Variants in SUGCT observed in about 807,000 individuals in gnomAD.
SUGCT encodes succinyl-CoA:glutarate-CoA transferase.
SUGCT carries 41 observed loss-of-function variants against 55.0 expected under a neutral mutation model. The observed-to-expected ratio is 0.74, with a 90% CI of 0.58 to 0.97. The LOEUF is 0.97. Ranked by LOEUF, SUGCT falls within the 50% of genes least tolerant of loss-of-function variation. The pLI, the probability that SUGCT is intolerant of heterozygous loss-of-function variation, is 0.00. For missense variants in SUGCT, 568 were observed against 547.8 expected, an observed-to-expected ratio of 1.04 and a Z score of -0.37; for synonymous variants, 187 against 200.4, an observed-to-expected ratio of 0.93 and a Z score of 0.56.
At chr7:40,723,831 G>C (rs1186318228) in intron 12 of SUGCT, among the ~76,000 whole-genome samples, 1 of 152,120 alleles carries the variant, frequency 6.6e-6, no homozygotes, top group Non-Finnish European at 1.5e-5. Flanking sequence ...TCTGCTTACT[G>C]TCTGCATCTT....
chr7:40,674,150 T>C (rs1451110822), intron 12 of SUGCT, among the ~76,000 whole-genome samples: 1 of 152,226 alleles, frequency 6.6e-6, no homozygotes, highest in Non-Finnish European at 1.5e-5. Flanking sequence ...TTTGTTATTG[T>C]TAAAGTACCA....
At chr7:40,272,561 T>A (rs1792143034) in intron 7 of SUGCT, among the ~76,000 whole-genome samples, 1 of 151,700 alleles carries the variant, frequency 6.6e-6, no homozygotes, top group South Asian at 2.1e-4. Context: ...GCAGTAACCA[T>A]GGGAGTGCAC....
the SUGCT span, among the ~76,000 whole-genome samples, chr7:40,902,592 AAG>A: frequency 6.6e-6 from 1 of 151,296 alleles, no homozygotes; most frequent in Admixed American, 6.6e-5. Context: ...AAAAAAAAAA[AAG>A]AGAAAAAAAA....
intron 13 of SUGCT, among the ~76,000 whole-genome samples, chr7:40,754,436 C>A (rs1238206950): frequency 2.0e-5 from 3 of 152,168 alleles, no homozygotes; most frequent in Non-Finnish European, 2.9e-5. Context: ...AACATTCCCT[C>A]CCCTGCCCCC....
rs538766981 is a variant in SUGCT, at chr7:40,624,827, C to T, written c.1090-124607C>T. Among the ~76,000 whole-genome samples the T allele has an allele frequency of 6.3e-4, 95 of 151,414 alleles. 1 individual carries two copies. Among genetic ancestry groups the T allele is most frequent in the African/African-American group, 2.0e-3 (81 of 41,076 alleles). On this transcript the variant is annotated intron_variant, in intron 12 of 13. Transcript: ENST00000335693. ...CACACACACACGCACACCACAAACA[C>T]GCCAAGCTGAGCAGACCTTCTTTTA...
At chr7:40,636,041 A>G (rs2151816822) in intron 12 of SUGCT, among the ~76,000 whole-genome samples, 1 of 152,344 alleles carries the variant, frequency 6.6e-6, no homozygotes, top group South Asian at 2.1e-4. Context: ...ACTGGCCAGC[A>G]TTCACCACGA....
intron 12 of SUGCT, among the ~76,000 whole-genome samples, chr7:40,736,165 G>A (rs897769830): frequency 3.2e-4 from 47 of 147,106 alleles, no homozygotes; most frequent in African/African-American, 1.2e-3. Context: ...GCTAAAATTT[G>A]CATTAATTTT....
chr7:40,925,250 T>A, the SUGCT span, among the ~76,000 whole-genome samples: 1 of 152,214 alleles, frequency 6.6e-6, no homozygotes, highest in East Asian at 1.9e-4. Flanking sequence ...AAAGCTAAAA[T>A]TCACACTGAA....
At chr7:40,408,601 A>G (rs929140181) in intron 9 of SUGCT, among the ~76,000 whole-genome samples, 8 of 152,214 alleles carry the variant, frequency 5.3e-5, no homozygotes, top group African/African-American at 1.7e-4. Context: ...TCAGATTTAT[A>G]GAATTTTTAA....
At chr7:40,267,067 T>C (rs1223632968) in intron 7 of SUGCT, among the ~76,000 whole-genome samples, 3 of 145,510 alleles carry the variant, frequency 2.1e-5, no homozygotes, top group Non-Finnish European at 4.6e-5. Flanking sequence ...AAAAAGAAAA[T>C]AACACTGGGA....
intron 13 of SUGCT, among the ~76,000 whole-genome samples, chr7:40,815,726 G>A (rs1791637333): frequency 6.6e-6 from 1 of 152,130 alleles, no homozygotes; most frequent in African/African-American, 2.4e-5. Context: ...AGATTTGCCT[G>A]CATGTGAAGC....
At chr7:40,938,634 C>T in the SUGCT span, among the ~76,000 whole-genome samples, 203 of 152,148 alleles carry the variant, frequency 1.3e-3, 1 homozygote, top group East Asian at 0.027. Context: ...ATATCTATTA[C>T]TGTATTAGAT....
intron 8 of SUGCT, among the ~76,000 whole-genome samples, chr7:40,295,186 ATAATT>A (rs1260280868): frequency 1.3e-5 from 2 of 152,236 alleles, no homozygotes; most frequent in African/African-American, 4.8e-5. Context: ...ATACAAATGT[ATAATT>A]TAATAAGTAA....
At chr7:40,688,146 G>T (rs927559346) in intron 12 of SUGCT, among the ~76,000 whole-genome samples, 1 of 152,252 alleles carries the variant, frequency 6.6e-6, no homozygotes, top group South Asian at 2.1e-4. Flanking sequence ...CCTTTGATAA[G>T]CAGAGACCTC....
At chr7:40,380,230 T>C (rs527868768) in intron 9 of SUGCT, among the ~76,000 whole-genome samples, 4 of 152,296 alleles carry the variant, frequency 2.6e-5, no homozygotes, top group Non-Finnish European at 5.9e-5. Context: ...TCAAGGCTAG[T>C]GCATAGCTGG....
the SUGCT span, among the ~76,000 whole-genome samples, chr7:40,993,034 G>A: frequency 3.3e-5 from 5 of 152,076 alleles, no homozygotes; most frequent in Non-Finnish European, 7.4e-5. Flanking sequence ...CTCAACCTTG[G>A]ATATGTGCAT....
At chr7:40,681,772 G>T (rs1016361787) in intron 12 of SUGCT, among the ~76,000 whole-genome samples, 1 of 152,154 alleles carries the variant, frequency 6.6e-6, no homozygotes, top group African/African-American at 2.4e-5. Context: ...TTTCTCATTT[G>T]TGGCTGGTTC....
At chr7:40,846,044 T>C (rs1049887721) in intron 13 of SUGCT, among the ~76,000 whole-genome samples, 1 of 152,192 alleles carries the variant, frequency 6.6e-6, no homozygotes, top group African/African-American at 2.4e-5. Flanking sequence ...GTGATCTGGC[T>C]TCTCTGACTG....
chr7:40,935,821 G>A, the SUGCT span, among the ~76,000 whole-genome samples: 10 of 152,242 alleles, frequency 6.6e-5, no homozygotes, highest in South Asian at 2.1e-3. Flanking sequence ...TAATAATGAA[G>A]CTATTTTCCA....
Sources: allele counts gnomAD v4.1 joint callset (sites outside exome capture counted in the v4.1 genomes callset), GRCh38; gene constraint gnomAD v4.1.1; transcripts MANE v1.5; gene names NCBI Gene and HGNC (gene_info 2026-07-23, HGNC 2026-07-21).